Variants in NUP160 observed in about 807,000 individuals in gnomAD.
The protein encoded by NUP160 is nuclear pore complex protein Nup160.
In NUP160, 94 loss-of-function variants were observed where a neutral mutation model predicts 196.9. The observed-to-expected ratio is 0.48, with a 90% CI of 0.40 to 0.57. The LOEUF is 0.57. NUP160 is among the 20% of genes least tolerant of loss of function. NUP160 has a pLI of 0.00. For missense variants in NUP160, 1,638 were observed against 1,748.3 expected, an observed-to-expected ratio of 0.94 and a Z score of 1.13; for synonymous variants, 605 against 619.7, an observed-to-expected ratio of 0.98 and a Z score of 0.35.
chr11:47,816,282 GAAT>G (rs1339672895), intron 11 of NUP160, among the ~76,000 whole-genome samples: 1 of 152,150 alleles, frequency 6.6e-6, no homozygotes, highest in African/African-American at 2.4e-5. Flanking sequence ...CACAGTTTGG[GAAT>G]AATAACTCCC....
chr11:47,829,199 G>C lies in NUP160; in HGVS notation c.1101+6452C>G, dbSNP rs899767654. Reference sequence around the variant, plus strand: ...AATACTACTTGCAAGTCATAAATCTGATTAGAGATTTAGATCCAGAATAAT... The same window carrying C: ...AATACTACTTGCAAGTCATAAATCTCATTAGAGATTTAGATCCAGAATAAT... On this transcript the variant is annotated intron_variant, in intron 7 of 35. Transcript: ENST00000378460. Among the ~76,000 whole-genome samples the C allele has an allele frequency of 2.0e-5, 3 of 152,238 alleles. No individual in the cohort carries two copies. The East Asian group carries it at 5.8e-4, about 29-fold the overall frequency.
At chr11:47,806,790 T>C (rs11039405) in intron 19 of NUP160, among the ~76,000 whole-genome samples, 5,715 of 111,234 alleles carry the variant, frequency 0.051, 278 homozygotes, top group East Asian at 0.081. Flanking sequence ...AAAGCAGCTA[T>C]ACACACACAC....
At chr11:47,837,173 C>A (rs746322906) in intron 5 of NUP160, among the ~76,000 whole-genome samples, 172 bp from the exon 6 acceptor site, 1 of 152,200 alleles carries the variant, frequency 6.6e-6, no homozygotes, top group African/African-American at 2.4e-5. Context: ...TCGCCAATTA[C>A]TATAATAAAA....
At chr11:47,818,323 T>C (rs1021232538) in intron 10 of NUP160, among the ~76,000 whole-genome samples, 199 bp from the exon 11 acceptor site, 4 of 152,234 alleles carry the variant, frequency 2.6e-5, no homozygotes, top group Non-Finnish European at 5.9e-5. Context: ...AGAGGTACTA[T>C]ACTTAAAATG....
chr11:47,808,360 A>G (rs748083300), intron 18 of NUP160, 36 bp downstream of exon 18: 2 of 1,577,848 alleles, frequency 1.3e-6, no homozygotes, highest in Non-Finnish European at 1.7e-6. Flanking sequence ...TAAACTCACA[A>G]TTTACATTTT....
At chr11:47,804,639 T>C (rs370856593) in intron 20 of NUP160, 21 bp from the exon 21 acceptor site, 6 of 1,482,596 alleles carry the variant, frequency 4.0e-6, no homozygotes, top group Non-Finnish European at 5.4e-6. Context: ...GTTAAGGATA[T>C]TTCTTAATTT....
chr11:47,801,509 C>T (rs1039171607), intron 23 of NUP160, among the ~76,000 whole-genome samples: 7 of 152,120 alleles, frequency 4.6e-5, no homozygotes, highest in African/African-American at 1.7e-4. Context: ...GCCACCACGC[C>T]AGGCTAATTT....
chr11:47,786,569 G>C lies in NUP160; in HGVS notation c.3747-15C>G. On this transcript the variant is annotated splice_polypyrimidine_tract_variant and intron_variant, in intron 31 of 35. Coordinates refer to ENST00000378460, the Ensembl canonical transcript of NUP160. ...ATTTGATGCATCTGGAATGAAAATG[G>C]TTCCACACTTGAAAACTGAACGCTG... 1 of 1,548,140 alleles carries C rather than the reference G, an allele frequency of 6.5e-7. No individual in the cohort carries two copies. The highest frequency in any genetic ancestry group is 8.9e-7 in the Non-Finnish European group (1 of 1,120,294).
At chr11:47,797,695 C>A in intron 27 of NUP160, 84 bp downstream of exon 27, 1 of 913,074 alleles carries the variant, frequency 1.1e-6, no homozygotes, top group Admixed American at 1.9e-5. Context: ...TAAAAATTAC[C>A]TAAGTCCAAC....
At position 47,788,527 on chromosome 11, in the gene NUP160, T is replaced by C; in HGVS notation, c.3596A>G (p.His1199Arg). The C allele has an allele frequency of 8.7e-6, 14 of 1,613,914 alleles. No individual in the cohort carries two copies. Among genetic ancestry groups the C allele is most frequent in the Non-Finnish European group, 1.2e-5 (14 of 1,179,764 alleles). ...AGCAACTGCAACCGCTGATGGATCA[T>C]GCTGAGCCAAAGTGAGGCGGATGCG... is the stretch of plus-strand genomic sequence containing the variant. The change falls in exon 30 of 36, where the codon CAT (histidine) becomes CGT (arginine). Residue 1199 changes from histidine (H) to arginine (R), a missense_variant. Physicochemically the swap from His to Arg is conservative, Grantham distance 29. Around this residue, in one of 3 missense-constraint regions of NUP160, gnomAD observed 1,345 missense variants for 1,470.2 expected, o/e 0.91. Coordinates refer to ENST00000378460, the Ensembl canonical transcript of NUP160.
At chr11:47,791,314 A>G (rs1343437472) in intron 29 of NUP160, among the ~76,000 whole-genome samples, 1 of 152,156 alleles carries the variant, frequency 6.6e-6, no homozygotes, top group African/African-American at 2.4e-5. Context: ...TTCCAGCGTC[A>G]CTAGTGACAC....
exon 7 of NUP160, chr11:47,835,788 C>T (rs1852161714): frequency 6.3e-7 from 1 of 1,594,298 alleles, no homozygotes; most frequent in African/African-American, 1.3e-5. Context: ...AGCATGTCAG[C>T]TACCATTAGG....
At chr11:47,837,295 G>C (rs1203588644) in intron 5 of NUP160, among the ~76,000 whole-genome samples, 1 of 152,154 alleles carries the variant, frequency 6.6e-6, no homozygotes, top group Non-Finnish European at 1.5e-5. Context: ...ATTTGGGTAA[G>C]TCGGGGCAGA....
rs1164772188 is a variant in NUP160, at chr11:47,782,289, T to TAAAAAAAAAAAAA, written c.4116+771_4116+783dup. Among the ~76,000 whole-genome samples the TAAAAAAAAAAAAA allele has an allele frequency of 2.8e-4, 9 of 31,866 alleles. 1 individual carries two copies. The highest frequency in any genetic ancestry group is 1.8e-3 in the African/African-American group (4 of 2,164). The allele number at this position is 31,866 out of a possible 152,430, so 20.9% of individuals were successfully genotyped here. On this transcript the variant is annotated intron_variant, in intron 34 of 35. Transcript: ENST00000378460. ...CTTGGGCAACAGAGCAAAACTCAGT[T>TAAAAAAAAAAAAA]AAAAAAAAAAAAAAATATATATATA...
At chr11:47,807,167 T>TA in intron 18 of NUP160, 27 bp from the exon 19 acceptor site, 1 of 1,413,080 alleles carries the variant, frequency 7.1e-7, no homozygotes, top group Non-Finnish European at 1.0e-6. Context: ...AAAGACAGCT[T>TA]AGTAAATTCT....
At chr11:47,826,067 T>G (rs1286036240) in intron 7 of NUP160, among the ~76,000 whole-genome samples, 1 of 152,212 alleles carries the variant, frequency 6.6e-6, no homozygotes, top group East Asian at 1.9e-4. Flanking sequence ...AGCCTGAACC[T>G]GTGTTTTAAA....
intron 27 of NUP160, among the ~76,000 whole-genome samples, chr11:47,797,092 C>G: frequency 6.6e-6 from 1 of 152,136 alleles, no homozygotes; most frequent in East Asian, 1.9e-4. Flanking sequence ...ATCTATTATA[C>G]TCATAACCTA....
exon 32 of NUP160, chr11:47,786,539 T>C (rs2097664631): frequency 3.1e-6 from 5 of 1,613,128 alleles, no homozygotes; most frequent in Non-Finnish European, 2.5e-6. Flanking sequence ...CTCCTCCAAA[T>C]TGCAATTTGA....
chr11:47,809,256 CA>C (rs35748617), intron 17 of NUP160, among the ~76,000 whole-genome samples: 40 of 94,750 alleles, frequency 4.2e-4, no homozygotes, highest in African/African-American at 1.2e-3. Flanking sequence ...GAACTTGTCT[CA>C]AAAAAAAAAA....
Sources: allele counts gnomAD v4.1 joint callset (sites outside exome capture counted in the v4.1 genomes callset), GRCh38; gene constraint gnomAD v4.1.1; regional missense constraint gnomAD v4.1.1; transcripts MANE v1.5; gene names NCBI Gene and HGNC (gene_info 2026-07-23, HGNC 2026-07-21).